POP1: variants seen among roughly 807,000 people sequenced by gnomAD.
POP1 encodes the protein ribonucleases P/MRP protein subunit POP1.
In POP1, 75 loss-of-function variants were observed where a neutral mutation model predicts 102.2. The ratio of observed to expected loss-of-function variants is 0.73; its 90% CI spans 0.61 to 0.89. The LOEUF is 0.89. Ranked by LOEUF, POP1 falls within the 40% of genes least tolerant of loss-of-function variation. POP1 has a pLI of 0.00. For missense variants in POP1, 1,116 were observed against 1,267.4 expected, an observed-to-expected ratio of 0.88 and a Z score of 1.81; for synonymous variants, 436 against 464.1, an observed-to-expected ratio of 0.94 and a Z score of 0.78.
At chr8:98,145,422 G>A (rs1816816211) in intron 11 of POP1, among the ~76,000 whole-genome samples, 1 of 152,100 alleles carries the variant, frequency 6.6e-6, no homozygotes, top group Non-Finnish European at 1.5e-5. Context: ...AAATTCTTCA[G>A]TTCAACAAAA....
At chr8:98,137,037 A>G (rs1005996522) in intron 9 of POP1, 83 bp downstream of exon 9, 3 of 1,255,840 alleles carry the variant, frequency 2.4e-6, no homozygotes, top group African/African-American at 3.0e-5. Flanking sequence ...TAATTTGGTA[A>G]CATTTTGGGC....
chr8:98,127,726 G>A lies in POP1; in HGVS notation c.274G>A (p.Glu92Lys), dbSNP rs757141424. The change falls in exon 3 of 16, where the codon GAG becomes AAG. Residue 92 changes from glutamate (E) to lysine (K), a missense_variant. Transcript: ENST00000401707. ...RKKGGWKAGP[E>K]GTSQEIPKYI... ...AAAGGGAGGATGGAAAGCAGGTCCC[G>A]AGGGCACGTCTCAGGAGATCCCCAA... 8.7e-6 allele frequency: 14 copies of A among 1,613,970 alleles called. No homozygotes were observed. Among genetic ancestry groups the A allele is most frequent in the African/African-American group, 4.0e-5 (3 of 74,900 alleles).
rs1816255078 is a variant in POP1, at chr8:98,127,831, G to A, written c.310+69G>A. On this transcript the variant is annotated intron_variant, in intron 3 of 15. Coordinates refer to ENST00000401707, the MANE Select transcript of POP1 (RefSeq NM_001145860.2). ...CTCGTGTCTAGTGCAGCAACAAACTGCCCTCCTTGTGGTCCTGGCTCTGCC... is the reference window on the plus strand; with the variant it reads ...CTCGTGTCTAGTGCAGCAACAAACTACCCTCCTTGTGGTCCTGGCTCTGCC... The A allele has an allele frequency of 2.6e-6, 4 of 1,531,544 alleles. No homozygotes were observed. The South Asian group carries it at 4.5e-5, about 17-fold the overall frequency. The allele number at this position is 1,531,544 out of a possible 1,614,324, so 94.9% of individuals were successfully genotyped here. A position where few individuals can be genotyped will look rare whatever the true frequency, so the allele number is the denominator to read the frequency against.
intron 14 of POP1, 69 bp from the exon 15 acceptor site, chr8:98,155,981 G>T: frequency 2.5e-5 from 32 of 1,261,442 alleles, no homozygotes; most frequent in East Asian, 5.9e-5. Flanking sequence ...GCATTATAAT[G>T]GTTATAATTA....
intron 7 of POP1, 128 bp downstream of exon 7, chr8:98,134,787 C>A: frequency 2.0e-6 from 2 of 994,984 alleles, no homozygotes; most frequent in Non-Finnish European, 1.5e-6. Context: ...ATATGGGGGG[C>A]TCTATGATTA....
intron 14 of POP1, among the ~76,000 whole-genome samples, chr8:98,153,561 CAG>C (rs1809575264): frequency 2.8e-5 from 1 of 35,646 alleles, no homozygotes; most frequent in Non-Finnish European, 4.3e-5. Context: ...TTTTTTGAGA[CAG>C]AGTCTTGCTC....
chr8:98,123,194 A>C, intron 1 of POP1, 142 bp from the exon 2 acceptor site: 1 of 885,708 alleles, frequency 1.1e-6, no homozygotes, highest in Non-Finnish European at 1.7e-6. Context: ...ATTATTTGAC[A>C]GTGCAAACTG....
intron 11 of POP1, among the ~76,000 whole-genome samples, chr8:98,142,765 G>T (rs1031546876): frequency 1.3e-5 from 2 of 152,116 alleles, no homozygotes; most frequent in African/African-American, 4.8e-5. Context: ...AAACATGGAA[G>T]GAGGATAGCT....
At chr8:98,125,620 A>G (rs1404388184) in intron 2 of POP1, among the ~76,000 whole-genome samples, 1 of 151,910 alleles carries the variant, frequency 6.6e-6, no homozygotes, top group African/African-American at 2.4e-5. Context: ...GGCCCACTGC[A>G]ACCTCTGCCT....
intron 14 of POP1, among the ~76,000 whole-genome samples, chr8:98,151,868 G>C (rs1233381504): frequency 6.6e-6 from 1 of 150,964 alleles, no homozygotes; most frequent in East Asian, 2.0e-4. Context: ...TCAGCCTCCT[G>C]AGTAGCTGGG....
intron 5 of POP1, among the ~76,000 whole-genome samples, chr8:98,131,618 A>G (rs751618276): frequency 2.6e-5 from 4 of 152,208 alleles, no homozygotes; most frequent in Admixed American, 6.5e-5. Flanking sequence ...ATATATCCCC[A>G]GAAGTGTAAT....
chr8:98,151,964 G>GCTCAAGT (rs111936912), intron 14 of POP1, among the ~76,000 whole-genome samples: 19,229 of 151,742 alleles, frequency 0.13, 1,308 homozygotes, highest in Middle Eastern at 0.26. Flanking sequence ...GAATTCCTGG[G>GCTCAAGT]CTCAAGTGAT....
intron 15 of POP1, among the ~76,000 whole-genome samples, chr8:98,157,255 T>A (rs900220023): frequency 1.1e-4 from 16 of 152,192 alleles, no homozygotes; most frequent in African/African-American, 3.6e-4. Context: ...TAATTTCCTA[T>A]CATTCTTTCT....
chr8:98,136,203 C>T (rs531845488), intron 7 of POP1, among the ~76,000 whole-genome samples: 1 of 151,980 alleles, frequency 6.6e-6, no homozygotes, highest in African/African-American at 2.4e-5. Flanking sequence ...GCCTTAGCCT[C>T]CTGAGTAGCT....
intron 2 of POP1, among the ~76,000 whole-genome samples, chr8:98,124,858 A>C (rs1458658184): frequency 6.6e-6 from 1 of 152,200 alleles, no homozygotes; most frequent in Non-Finnish European, 1.5e-5. Flanking sequence ...TAGGAAGATC[A>C]CAGTTGTTCA....
rs1809438812 is a variant in POP1 at position 98,148,932 on chromosome 8, G to A, written c.1828G>A (p.Asp610Asn). The A allele has an allele frequency of 9.3e-6, 15 of 1,613,812 alleles. No individual in the cohort carries two copies. Among genetic ancestry groups the A allele is most frequent in the Non-Finnish European group, 5.9e-6 (7 of 1,179,900 alleles). Reference sequence around the variant, plus strand: ...GCAGCCAGGAAAAGTGACTGGTGAAGATCGACTAGGCTGGGGAAGTGGCTG... The same window carrying A: ...GCAGCCAGGAAAAGTGACTGGTGAAAATCGACTAGGCTGGGGAAGTGGCTG... ...IQQPGKVTGE[D>N]RLGWGSGWDV... The change falls in exon 13 of 16, where the codon GAT (aspartate) becomes AAT (asparagine). Residue 610 changes from aspartate to asparagine, a missense_variant. Physicochemically the swap from Asp to Asn is conservative, Grantham distance 23. Transcript: ENST00000401707.
intron 7 of POP1, among the ~76,000 whole-genome samples, chr8:98,135,791 C>G (rs149562616): frequency 3.7e-4 from 56 of 152,108 alleles, no homozygotes; most frequent in African/African-American, 1.2e-3. Context: ...CTCTACTTCC[C>G]AGGCTCAAAT....
chr8:98,153,655 A>G (rs1180184854), intron 14 of POP1, among the ~76,000 whole-genome samples: 2 of 141,338 alleles, frequency 1.4e-5, no homozygotes, highest in African/African-American at 2.7e-5. Flanking sequence ...CTTTTGCCTC[A>G]GCCTTCCGAG....
At chr8:98,124,239 C>T in intron 2 of POP1, among the ~76,000 whole-genome samples, 1 of 152,118 alleles carries the variant, frequency 6.6e-6, no homozygotes, top group Non-Finnish European at 1.5e-5. Flanking sequence ...GAAATAAACT[C>T]TACCAGGAGG....
Sources: gnomAD v4.1 joint callset for allele counts (sites outside exome capture counted in the v4.1 genomes callset) on GRCh38, gnomAD v4.1.1 for gene constraint, MANE v1.5 for transcripts, NCBI Gene and HGNC (gene_info 2026-07-23, HGNC 2026-07-21) for gene names.